RCAN2: variants seen among roughly 807,000 people sequenced by gnomAD.
The protein encoded by RCAN2 is regulator of calcineurin 2, also known as calcipressin-2.
RCAN2 carries 9 observed loss-of-function variants against 23.6 expected under a neutral mutation model. That is an observed-to-expected ratio of 0.38 (90% CI 0.23 to 0.67). RCAN2 has a LOEUF of 0.67. RCAN2 is among the 30% of genes least tolerant of loss of function. The pLI is 0.51. For synonymous variants in RCAN2, 109 were observed against 115.7 expected (o/e 0.94, Z 0.37); for missense variants, 273 against 302.3 (o/e 0.90, Z 0.72).
chr6:46,393,427 G>C (rs1320237406), intron 2 of RCAN2, among the ~76,000 whole-genome samples: 2 of 152,148 alleles, frequency 1.3e-5, no homozygotes, highest in Non-Finnish European at 2.9e-5. Context: ...TTTGTAGTAA[G>C]TGTTCAATAA....
At chr6:46,243,133 C>A (rs1766365451) in intron 4 of RCAN2, among the ~76,000 whole-genome samples, 1 of 152,134 alleles carries the variant, frequency 6.6e-6, no homozygotes, top group Admixed American at 6.5e-5. Flanking sequence ...GGGGAGGATG[C>A]CATGGGGAGG....
intron 2 of RCAN2, among the ~76,000 whole-genome samples, chr6:46,419,379 C>G (rs1168754907): frequency 6.6e-6 from 1 of 152,190 alleles, no homozygotes; most frequent in East Asian, 1.9e-4. Flanking sequence ...GCCTAGTATG[C>G]TCTTCTCCCA....
chr6:46,374,647 A>C (rs1414320135), intron 2 of RCAN2, among the ~76,000 whole-genome samples: 1 of 152,232 alleles, frequency 6.6e-6, no homozygotes, highest in Non-Finnish European at 1.5e-5. Flanking sequence ...AAATTTGACA[A>C]TGAAAATAAA....
At chr6:46,388,260 A>C (rs1380492243) in intron 2 of RCAN2, among the ~76,000 whole-genome samples, 1 of 151,598 alleles carries the variant, frequency 6.6e-6, no homozygotes, top group Non-Finnish European at 1.5e-5. Flanking sequence ...AATAAATAAT[A>C]ATAATAATAA....
chr6:46,354,911 G>A (rs987702417), intron 2 of RCAN2, among the ~76,000 whole-genome samples: 15 of 52,804 alleles, frequency 2.8e-4, no homozygotes, highest in African/African-American at 6.1e-4. Context: ...GTGTGTGTGT[G>A]TGTGTGTGTG....
intron 1 of RCAN2, among the ~76,000 whole-genome samples, chr6:46,487,455 C>T (rs1468383724): frequency 3.3e-5 from 5 of 152,196 alleles, no homozygotes; most frequent in Non-Finnish European, 7.3e-5. Flanking sequence ...CTACCTTTCC[C>T]TTTCTACATG....
intron 2 of RCAN2, among the ~76,000 whole-genome samples, chr6:46,394,860 G>A (rs2150400021): frequency 6.6e-6 from 1 of 152,258 alleles, no homozygotes; most frequent in African/African-American, 2.4e-5. Context: ...CAAACAAGAT[G>A]GAAGCAGTGG....
intron 2 of RCAN2, among the ~76,000 whole-genome samples, chr6:46,331,300 T>G (rs1037403146): frequency 6.6e-6 from 1 of 152,072 alleles, no homozygotes; most frequent in African/African-American, 2.4e-5. Context: ...CTTGAGACAC[T>G]GCACTCAGTT....
At chr6:46,311,136 G>A (rs1399315379) in intron 2 of RCAN2, among the ~76,000 whole-genome samples, 1 of 152,094 alleles carries the variant, frequency 6.6e-6, no homozygotes, top group Non-Finnish European at 1.5e-5. Flanking sequence ...GTAACTATTA[G>A]GGCCAGGGTT....
rs191480609 is a variant in RCAN2, at chr6:46,472,624, G to A, written c.-2-15646C>T. Among the ~76,000 whole-genome samples the A allele has an allele frequency of 1.9e-3, 286 of 152,264 alleles. 2 individuals are homozygous for A. The highest frequency in any genetic ancestry group is 6.1e-3 in the African/African-American group (252 of 41,562). ...AAGACACAATTGCTGTACTGTAATT[G>A]TGTAGCTGCCTCTCTTTCCAACCTG... is the stretch of plus-strand genomic sequence containing the variant. On this transcript the variant is annotated intron_variant, in intron 1 of 4. Coordinates refer to ENST00000371374, the MANE Select transcript of RCAN2 (RefSeq NM_001251974.2).
intron 2 of RCAN2, among the ~76,000 whole-genome samples, chr6:46,347,454 A>G (rs9296490): frequency 0.42 from 64,127 of 152,040 alleles, 14,973 homozygotes; most frequent in East Asian, 0.6. Flanking sequence ...GTTAGGTATA[A>G]GAAAATTCTT....
At chr6:46,446,064 G>A (rs1368212169) in intron 2 of RCAN2, among the ~76,000 whole-genome samples, 1 of 151,420 alleles carries the variant, frequency 6.6e-6, no homozygotes, top group African/African-American at 2.4e-5. Flanking sequence ...TCCAGGTACA[G>A]GAAGGTCTCC....
chr6:46,469,391 A>G (rs1768488970), intron 1 of RCAN2, among the ~76,000 whole-genome samples: 2 of 152,190 alleles, frequency 1.3e-5, no homozygotes, highest in Non-Finnish European at 2.9e-5. Flanking sequence ...GGACCAGTTC[A>G]CCACATCCCT....
At chr6:46,448,498 T>C (rs1298314447) in intron 2 of RCAN2, among the ~76,000 whole-genome samples, 1 of 151,870 alleles carries the variant, frequency 6.6e-6, no homozygotes. Context: ...ATTACCCTGA[T>C]ACCAAAGTCA....
intron 2 of RCAN2, among the ~76,000 whole-genome samples, chr6:46,320,502 G>A (rs1220529412): frequency 1.3e-5 from 2 of 152,126 alleles, no homozygotes; most frequent in Non-Finnish European, 2.9e-5. Context: ...TCACACAACA[G>A]CATAAAACAA....
intron 2 of RCAN2, among the ~76,000 whole-genome samples, chr6:46,318,155 G>A (rs1763501085): frequency 6.6e-6 from 1 of 152,174 alleles, no homozygotes; most frequent in Non-Finnish European, 1.5e-5. Context: ...GTCCCCTGAG[G>A]TTAAATGTTT....
chr6:46,256,750 A>G (rs967189780), intron 2 of RCAN2, among the ~76,000 whole-genome samples: 3 of 152,242 alleles, frequency 2.0e-5, no homozygotes, highest in Admixed American at 1.3e-4. Flanking sequence ...TTATGGCAAA[A>G]TAAAATAAAG....
intron 2 of RCAN2, among the ~76,000 whole-genome samples, chr6:46,398,911 AATAT>A (rs60915055): frequency 1.3e-5 from 2 of 149,118 alleles, no homozygotes; most frequent in African/African-American, 2.5e-5. Flanking sequence ...GTCTTTTATA[AATAT>A]ATATATATAT....
chr6:46,371,616 A>T (rs771049196), intron 2 of RCAN2, among the ~76,000 whole-genome samples: 9 of 152,246 alleles, frequency 5.9e-5, no homozygotes, highest in Non-Finnish European at 1.0e-4. Context: ...TGGTTTGAAC[A>T]TGTAGACTGT....
Sources: allele counts gnomAD v4.1 joint callset (sites outside exome capture counted in the v4.1 genomes callset), GRCh38; gene constraint gnomAD v4.1.1; transcripts MANE v1.5; gene names NCBI Gene and HGNC (gene_info 2026-07-23, HGNC 2026-07-21).